The following TNFRSF10A variants were observed in gnomAD, a reference collection of about 807,000 sequenced individuals.
The protein encoded by TNFRSF10A is tumor necrosis factor receptor superfamily member 10A.
TNFRSF10A carries 44 observed loss-of-function variants against 42.8 expected under a neutral mutation model. The ratio of observed to expected loss-of-function variants is 1.03; its 90% CI spans 0.81 to 1.32. The LOEUF (loss-of-function observed/expected upper bound fraction) is 1.32. TNFRSF10A is among the 40% of genes most tolerant of loss of function. The pLI, the probability that TNFRSF10A is intolerant of heterozygous loss-of-function variation, is 0.00. For missense variants in TNFRSF10A, 680 were observed against 602.0 expected (o/e 1.13, Z -1.36); for synonymous variants, 259 against 234.2 (o/e 1.11, Z -0.97).
At chr8:23,224,471 G>T in intron 1 of TNFRSF10A, 1 of 480,944 alleles carries the variant, frequency 2.1e-6, no homozygotes, top group Non-Finnish European at 3.7e-6. Flanking sequence ...GATACATCGT[G>T]AGGTGTGGGC....
Position 23,197,300 on chromosome 8 carries a change from A to G in TNFRSF10A, c.1015-96T>C, listed in dbSNP as rs1585279542. Reference sequence around the variant, plus strand: ...CAGCCAGCCCGGAAACCTGCAGCACATCACTTTCCCCCTTGGGTCACCATG... The same window carrying G: ...CAGCCAGCCCGGAAACCTGCAGCACGTCACTTTCCCCCTTGGGTCACCATG... On this transcript the variant is annotated intron_variant, in intron 8 of 9. Coordinates refer to ENST00000221132, the MANE Select transcript of TNFRSF10A (RefSeq NM_003844.4). 10 of 1,430,530 alleles carry G rather than the reference A, an allele frequency of 7.0e-6. No homozygotes were observed. In the Middle Eastern group the frequency reaches 1.1e-3, roughly 151 times the overall value. 88.6% of individuals were successfully genotyped at this position (1,430,530 alleles called of 1,614,324 possible). A position where few individuals can be genotyped will look rare whatever the true frequency, so the allele number is the denominator to read the frequency against.
chr8:23,216,506 G>A (rs1326313004), intron 1 of TNFRSF10A, among the ~76,000 whole-genome samples: 1 of 152,140 alleles, frequency 6.6e-6, no homozygotes, highest in African/African-American at 2.4e-5. Flanking sequence ...CACTTTGGGA[G>A]GCCGAGGTGG....
intron 8 of TNFRSF10A, among the ~76,000 whole-genome samples, chr8:23,198,335 G>C (rs1050686613): frequency 2.6e-5 from 4 of 152,166 alleles, no homozygotes; most frequent in African/African-American, 9.7e-5. Context: ...AGAGGAGTTC[G>C]TCTTGTGTTG....
intron 2 of TNFRSF10A, among the ~76,000 whole-genome samples, chr8:23,211,373 C>T (rs1042364848): frequency 6.6e-6 from 1 of 152,038 alleles, no homozygotes; most frequent in Non-Finnish European, 1.5e-5. Context: ...AGTCTGCAAA[C>T]TACGAAACAT....
intron 1 of TNFRSF10A, among the ~76,000 whole-genome samples, chr8:23,221,879 CT>C (rs112390866): frequency 0.14 from 20,871 of 147,496 alleles, 1,578 homozygotes; most frequent in Middle Eastern, 0.24. Context: ...CTTGTGTATT[CT>C]TTTTTTTTTT....
intron 1 of TNFRSF10A, among the ~76,000 whole-genome samples, chr8:23,222,469 C>T (rs1279128456): frequency 1.3e-5 from 2 of 152,212 alleles, no homozygotes; most frequent in Non-Finnish European, 2.9e-5. Flanking sequence ...GTGTTTCACC[C>T]ATGCACTAAA....
intron 3 of TNFRSF10A, 93 bp from the exon 4 acceptor site, chr8:23,202,012 C>A: frequency 1.7e-6 from 2 of 1,179,968 alleles, no homozygotes; most frequent in Non-Finnish European, 2.5e-6. Context: ...CTCAGCTCAG[C>A]TCAACTCAGT....
At chr8:23,216,880 G>T (rs1370805354) in intron 1 of TNFRSF10A, among the ~76,000 whole-genome samples, 1 of 151,892 alleles carries the variant, frequency 6.6e-6, no homozygotes, top group Non-Finnish European at 1.5e-5. Context: ...TAATTTCATT[G>T]AGATCAGAGA....
intron 1 of TNFRSF10A, among the ~76,000 whole-genome samples, chr8:23,218,774 C>T (rs752134483): frequency 1.4e-4 from 21 of 152,212 alleles, no homozygotes; most frequent in Non-Finnish European, 2.5e-4. Context: ...TGCTCATCCT[C>T]CTGCCCAGCC....
chr8:23,199,250 C>A lies in TNFRSF10A; in HGVS notation c.1014+16G>T. 1 of 1,606,462 alleles carries A rather than the reference C, an allele frequency of 6.2e-7. No homozygotes were observed. Among genetic ancestry groups the A allele is most frequent in the Non-Finnish European group, 8.5e-7 (1 of 1,173,880 alleles). On this transcript the variant is annotated intron_variant, in intron 8 of 9. Transcript: ENST00000221132. ...CCCTGCCTACAAGGTCTTGGAGGGG[C>A]CTGTCCCCAACTCACCAGCAGACAC... is the stretch of plus-strand genomic sequence containing the variant.
chr8:23,204,813 TAAAAAGAAATCA>T (rs1800982704), intron 2 of TNFRSF10A, among the ~76,000 whole-genome samples: 1 of 151,904 alleles, frequency 6.6e-6, no homozygotes, highest in African/African-American at 2.4e-5. Context: ...CCAACTGGTC[TAAAAAGAAATCA>T]AAAGAGAAAT....
chr8:23,199,972 T>C (rs1403535416), intron 6 of TNFRSF10A, 55 bp from the exon 7 acceptor site: 9 of 1,611,380 alleles, frequency 5.6e-6, no homozygotes, highest in Non-Finnish European at 7.6e-6. Flanking sequence ...GCAGCACTCC[T>C]TCTTAGAGGG....
chr8:23,192,141 T>C (rs1800764078), intron 9 of TNFRSF10A, 128 bp from the exon 10 acceptor site: 51 of 1,453,086 alleles, frequency 3.5e-5, no homozygotes, highest in Middle Eastern at 5.0e-4. Context: ...GCAAACCTGT[T>C]GCTCCATTGC....
chr8:23,224,720 C>A (rs1477133950), intron 1 of TNFRSF10A, 36 bp downstream of exon 1: 1 of 1,540,334 alleles, frequency 6.5e-7, no homozygotes, highest in Non-Finnish European at 8.7e-7. Flanking sequence ...GTGCCAGGCG[C>A]GCTTTTCCCC....
intron 1 of TNFRSF10A, among the ~76,000 whole-genome samples, chr8:23,213,533 C>T (rs142492313): frequency 0.052 from 3,840 of 73,226 alleles, 158 homozygotes; most frequent in African/African-American, 0.11. Flanking sequence ...CTGCAAGCTC[C>T]GCTTCCCAGG....
chr8:23,191,451 A>C lies in TNFRSF10A; in HGVS notation c.*243T>G, dbSNP rs1800751442. The C allele has an allele frequency of 1.7e-6, 1 of 597,920 alleles. No individual in the cohort carries two copies. The highest frequency in any genetic ancestry group is 2.9e-6 in the Non-Finnish European group (1 of 346,840). 37.0% of individuals were successfully genotyped at this position (597,920 alleles called of 1,614,324 possible). On this transcript the variant is annotated 3_prime_UTR_variant, in exon 10 of 10. Transcript: ENST00000221132. ...GTAGCCGAGAATATATGCACACACC[A>C]TCACATCCAGTTAATTTTTGTATTT...
Position 23,222,771 on chromosome 8 carries a change from G to A in TNFRSF10A, c.306+1985C>T, listed in dbSNP as rs112237182. Among the ~76,000 whole-genome samples the A allele has an allele frequency of 6.0e-3, 914 of 152,146 alleles. 12 individuals carry two copies. Among genetic ancestry groups the A allele is most frequent in the African/African-American group, 0.021 (863 of 41,488 alleles). ...TCATGAAAGGCTTGGTGCCATAACC[G>A]CCCCCTCCCACATTCCCCCAGGAGT... On this transcript the variant is annotated intron_variant, in intron 1 of 9. Coordinates refer to ENST00000221132, the MANE Select transcript of TNFRSF10A (RefSeq NM_003844.4).
chr8:23,200,575 A>G lies in TNFRSF10A; in HGVS notation c.729T>C (p.Ile243=). The G allele has an allele frequency of 6.2e-7, 1 of 1,614,126 alleles. No homozygotes were observed. The highest frequency in any genetic ancestry group is 8.5e-7 in the Non-Finnish European group (1 of 1,180,014). The change falls in exon 6 of 10, where the codon ATT becomes ATC. Residue 243 remains isoleucine (I), a synonymous_variant. Coordinates refer to ENST00000221132, the MANE Select transcript of TNFRSF10A (RefSeq NM_003844.4). ...ESGNGHNIWV[I]LVVTLVVPLL... is the part of the protein sequence containing the mutation. ...ACGGAACAACCAAAGTCACAACCAA[A>G]ATCACCCATATATTATGTCCATTGC...
intron 9 of TNFRSF10A, among the ~76,000 whole-genome samples, chr8:23,196,047 G>C (rs1167935841): frequency 6.6e-6 from 1 of 152,114 alleles, no homozygotes; most frequent in Admixed American, 6.5e-5. Context: ...TTTTATCTGA[G>C]TTCCTTTTTC....
Sources: gnomAD v4.1 joint callset for allele counts (sites outside exome capture counted in the v4.1 genomes callset) on GRCh38, gnomAD v4.1.1 for gene constraint, MANE v1.5 for transcripts, NCBI Gene and HGNC (gene_info 2026-07-23, HGNC 2026-07-21) for gene names.